CAMTA1: variants seen among roughly 807,000 people sequenced by gnomAD.
The protein encoded by CAMTA1 is calmodulin-binding transcription activator 1.
Under a neutral mutation model 170.9 loss-of-function variants are expected in CAMTA1, and 27 were observed. The ratio of observed to expected loss-of-function variants is 0.16; its 90% CI spans 0.12 to 0.22. CAMTA1 has a LOEUF of 0.22. Ranked by LOEUF, CAMTA1 falls within the 10% of genes least tolerant of loss-of-function variation. The probability of loss-of-function intolerance (pLI) is 1.00; values close to 1 mark genes in which losing one functional copy is unlikely to be tolerated. For synonymous variants in CAMTA1, 833 were observed against 891.5 expected, an observed-to-expected ratio of 0.93 and a Z score of 1.17; for missense variants, 1,619 against 2,217.2, an observed-to-expected ratio of 0.73 and a Z score of 5.42.
intron 5 of CAMTA1, among the ~76,000 whole-genome samples, chr1:7,439,774 A>T (rs1160970548): frequency 6.6e-6 from 1 of 152,160 alleles, no homozygotes; most frequent in African/African-American, 2.4e-5. Context: ...CCAGGTGCAG[A>T]TGAAGGGGTG....
At chr1:6,902,073 A>ACACACACAC (rs772368106) in intron 3 of CAMTA1, among the ~76,000 whole-genome samples, 252 of 78,434 alleles carry the variant, frequency 3.2e-3, no homozygotes, top group African/African-American at 9.3e-3. Context: ...ACACACACAC[A>ACACACACAC]AAAAAAAAAA....
At position 7,681,402 on chromosome 1, in the gene CAMTA1, G is replaced by C. The variant is rs1378664271; in HGVS notation, c.2914+3669G>C. Among the ~76,000 whole-genome samples the C allele has an allele frequency of 6.6e-6, 1 of 152,226 alleles. No homozygotes were observed. The highest frequency in any genetic ancestry group is 1.5e-5 in the Non-Finnish European group (1 of 68,046). On this transcript the variant is annotated intron_variant, in intron 11 of 22. Transcript: ENST00000303635. This position sits in a 1 kb window ranked among gnomAD's most constrained non-coding sequence, Gnocchi z 4.6. Reference sequence around the variant, plus strand: ...TTAGCCCGGGAAGAGGGGGCATCAAGGGTGGCAGGAGAGGGAATGAGCGGC... The same window carrying C: ...TTAGCCCGGGAAGAGGGGGCATCAACGGTGGCAGGAGAGGGAATGAGCGGC...
At chr1:7,502,152 G>A (rs2094016271) in intron 6 of CAMTA1, among the ~76,000 whole-genome samples, 2 of 152,216 alleles carry the variant, frequency 1.3e-5, no homozygotes, top group South Asian at 2.1e-4. Flanking sequence ...CGACAGCCCC[G>A]GAAGGCAGCT....
At chr1:7,270,272 CACAT>C (rs1308563445) in intron 5 of CAMTA1, among the ~76,000 whole-genome samples, 3 of 36,510 alleles carry the variant, frequency 8.2e-5, no homozygotes, top group South Asian at 8.8e-4. Flanking sequence ...CACACACACA[CACAT>C]ATATATATAT....
rs551918299 is a variant in CAMTA1 at position 7,037,636 on chromosome 1, G to C, written c.235-53668G>C. Among the ~76,000 whole-genome samples the C allele has an allele frequency of 3.9e-5, 6 of 152,256 alleles. No individual in the cohort carries two copies. The East Asian group carries it at 7.7e-4, about 20-fold the overall frequency. ...AGGCGGATCATGAGGTCAGGAGATC[G>C]AGACTATCCTGGCTAACACGGTGAA... On this transcript the variant is annotated intron_variant, in intron 3 of 22. Coordinates refer to ENST00000303635, the MANE Select transcript of CAMTA1 (RefSeq NM_015215.4).
At chr1:6,890,432 G>A (rs1027015140) in intron 3 of CAMTA1, among the ~76,000 whole-genome samples, 1 of 152,212 alleles carries the variant, frequency 6.6e-6, no homozygotes, top group Non-Finnish European at 1.5e-5. Flanking sequence ...AAGGCTCCCT[G>A]ATGGCCTTTG....
chr1:6,880,878 GT>G (rs1317916321), intron 3 of CAMTA1, among the ~76,000 whole-genome samples: 2 of 152,100 alleles, frequency 1.3e-5, no homozygotes, highest in Non-Finnish European at 2.9e-5. Flanking sequence ...ACAAAACCAT[GT>G]TATTCCCCTC....
chr1:7,152,867 G>A (rs1646658287), intron 4 of CAMTA1, among the ~76,000 whole-genome samples: 2 of 152,208 alleles, frequency 1.3e-5, no homozygotes, highest in African/African-American at 4.8e-5. Flanking sequence ...GATGTTCCAG[G>A]CCGAGGTTTT....
chr1:7,591,127 C>G (rs1206647060), intron 6 of CAMTA1, among the ~76,000 whole-genome samples: 1 of 152,196 alleles, frequency 6.6e-6, no homozygotes. Flanking sequence ...TATTTCTGTG[C>G]AGTTCCCGGG....
intron 5 of CAMTA1, among the ~76,000 whole-genome samples, chr1:7,295,041 T>G (rs1197434214): frequency 2.0e-5 from 3 of 152,240 alleles, no homozygotes; most frequent in Non-Finnish European, 4.4e-5. Context: ...GGCCAATCAC[T>G]GATAGCATCA....
At chr1:7,766,328 T>G in intron 22 of CAMTA1, 131 bp from the exon 23 acceptor site, 1 of 703,954 alleles carries the variant, frequency 1.4e-6, no homozygotes, top group Non-Finnish European at 2.4e-6. Context: ...GAGTTTCTTT[T>G]GCCGTCAATC....
chr1:6,899,744 T>A (rs1676524125), intron 3 of CAMTA1, among the ~76,000 whole-genome samples: 2 of 152,214 alleles, frequency 1.3e-5, no homozygotes, highest in African/African-American at 4.8e-5. Flanking sequence ...GACTGAGGAC[T>A]TAAGTTATAT....
intron 11 of CAMTA1, among the ~76,000 whole-genome samples, chr1:7,688,879 T>C (rs1008822540): frequency 2.0e-5 from 3 of 152,164 alleles, no homozygotes; most frequent in Non-Finnish European, 2.9e-5. Flanking sequence ...TTTGCACCTG[T>C]TGTGAAATCA....
intron 6 of CAMTA1, among the ~76,000 whole-genome samples, chr1:7,569,166 C>T (rs2095091385): frequency 6.6e-6 from 1 of 151,234 alleles, no homozygotes. Context: ...TCTCCACTAT[C>T]ATCATCGTGG....
chr1:7,415,830 A>G (rs905386003), intron 5 of CAMTA1, among the ~76,000 whole-genome samples: 5 of 152,154 alleles, frequency 3.3e-5, no homozygotes, highest in Non-Finnish European at 7.3e-5. Flanking sequence ...TTTGCTCATT[A>G]GTTGATGCAG....
intron 5 of CAMTA1, among the ~76,000 whole-genome samples, chr1:7,431,837 C>A (rs2092173224): frequency 6.6e-6 from 1 of 152,196 alleles, no homozygotes; most frequent in African/African-American, 2.4e-5. Flanking sequence ...CCCCTGGAGA[C>A]CACCCTTACC....
intron 5 of CAMTA1, among the ~76,000 whole-genome samples, chr1:7,365,153 G>A (rs1161441316): frequency 6.6e-6 from 1 of 152,258 alleles, no homozygotes; most frequent in Non-Finnish European, 1.5e-5. Context: ...TTCAGAGGTT[G>A]TCGGGAGGGA....
At chr1:7,052,446 A>G (rs1324475591) in intron 3 of CAMTA1, among the ~76,000 whole-genome samples, 2 of 149,692 alleles carry the variant, frequency 1.3e-5, no homozygotes, top group Non-Finnish European at 3.0e-5. Context: ...TTCTCTGCCC[A>G]CTCCTCCCAG....
At chr1:7,182,989 G>A (rs1198277241) in intron 4 of CAMTA1, among the ~76,000 whole-genome samples, 1 of 152,196 alleles carries the variant, frequency 6.6e-6, no homozygotes, top group Non-Finnish European at 1.5e-5. Flanking sequence ...CCTTTTCAAG[G>A]GAAGTGTGGC....
Sources: allele counts gnomAD v4.1 joint callset (sites outside exome capture counted in the v4.1 genomes callset), GRCh38; gene constraint gnomAD v4.1.1; non-coding constraint Gnocchi (gnomAD v3.1); transcripts MANE v1.5; gene names NCBI Gene and HGNC (gene_info 2026-07-23, HGNC 2026-07-21).